Variants in WDR27 observed in about 807,000 individuals in gnomAD.
The protein encoded by WDR27 is WD repeat domain 27, also known as WD repeat-containing protein 27.
WDR27 carries 100 observed loss-of-function variants against 114.4 expected under a neutral mutation model. The ratio of observed to expected loss-of-function variants is 0.87; its 90% CI spans 0.74 to 1.03. The LOEUF (loss-of-function observed/expected upper bound fraction) is 1.03. Among genes scored for constraint, WDR27 ranks in the 50% least tolerant of loss-of-function variants. The probability of loss-of-function intolerance (pLI) is 0.00; values close to 1 mark genes in which losing one functional copy is unlikely to be tolerated. For missense variants in WDR27, 1,129 were observed against 1,092.9 expected (o/e 1.03, Z -0.47); for synonymous variants, 449 against 423.1 (o/e 1.06, Z -0.75).
At chr6:169,633,357 G>A (rs1033318747) in intron 20 of WDR27, among the ~76,000 whole-genome samples, 4 of 152,138 alleles carry the variant, frequency 2.6e-5, no homozygotes, top group African/African-American at 7.2e-5. Context: ...CTTTAGATAC[G>A]TGGTGTTTGA....
chr6:169,551,826 G>T (rs1329052279), intron 25 of WDR27, among the ~76,000 whole-genome samples: 1 of 151,964 alleles, frequency 6.6e-6, no homozygotes, highest in Admixed American at 6.6e-5. Flanking sequence ...GGCTTTGAAG[G>T]CCAGGTCGCT....
intron 24 of WDR27, among the ~76,000 whole-genome samples, chr6:169,573,195 A>G (rs1801734412): frequency 6.6e-6 from 1 of 152,106 alleles, no homozygotes. Flanking sequence ...AAGTTTCTAC[A>G]TTGTGTTCTA....
At chr6:169,691,277 A>G (rs988305926) in intron 1 of WDR27, among the ~76,000 whole-genome samples, 15 of 152,338 alleles carry the variant, frequency 9.8e-5, no homozygotes, top group Middle Eastern at 3.4e-3. Context: ...AAAATTCTCA[A>G]TATTTGGAGA....
intron 23 of WDR27, among the ~76,000 whole-genome samples, chr6:169,592,454 C>G (rs1484323231): frequency 6.6e-6 from 1 of 152,168 alleles, no homozygotes; most frequent in African/African-American, 2.4e-5. Context: ...AGGCTATTCT[C>G]AATGAGTTCT....
chr6:169,428,992 TC>T, the WDR27 span, among the ~76,000 whole-genome samples: 1 of 152,060 alleles, frequency 6.6e-6, no homozygotes, highest in African/African-American at 2.4e-5. Context: ...GACACAGGCG[TC>T]CCAGACAAAA....
chr6:169,486,136 C>G (rs958791318), intron 25 of WDR27, among the ~76,000 whole-genome samples: 14 of 151,760 alleles, frequency 9.2e-5, no homozygotes, highest in African/African-American at 3.2e-4. Context: ...TGCACATGTA[C>G]CCCTGAACTT....
intron 25 of WDR27, among the ~76,000 whole-genome samples, chr6:169,504,901 T>C (rs1791814804): frequency 6.6e-6 from 1 of 152,164 alleles, no homozygotes; most frequent in Admixed American, 6.5e-5. Context: ...ACCTGGCCTG[T>C]TACCTACTTT....
At chr6:169,473,177 A>G (rs975408690) in intron 25 of WDR27, among the ~76,000 whole-genome samples, 7 of 152,234 alleles carry the variant, frequency 4.6e-5, no homozygotes, top group Admixed American at 2.6e-4. Context: ...ACATGAATAC[A>G]CTTTGAATTT....
At chr6:169,678,970 AT>A (rs1428999960) in intron 2 of WDR27, among the ~76,000 whole-genome samples, 9 of 152,212 alleles carry the variant, frequency 5.9e-5, no homozygotes, top group African/African-American at 2.2e-4. Context: ...GAAGTCTGCT[AT>A]CTGAGAGCTT....
rs770325323 is a variant in WDR27 at position 169,660,785 on chromosome 6, G to A, written c.1026-19C>T. 1 of 1,603,724 alleles carries A rather than the reference G, an allele frequency of 6.2e-7. No homozygotes were observed. The highest frequency in any genetic ancestry group is 2.2e-5 in the East Asian group (1 of 44,830). On this transcript the variant is annotated intron_variant, in intron 9 of 25. Coordinates refer to ENST00000448612, the MANE Select transcript of WDR27 (RefSeq NM_182552.5). Reference sequence around the variant, plus strand: ...AGAAAGACTGATTTAAGGAAAAAAAGAAAAGAATACACAATAATCTTATTC... The same window carrying A: ...AGAAAGACTGATTTAAGGAAAAAAAAAAAAGAATACACAATAATCTTATTC...
chr6:169,663,763 C>T (rs552564207), intron 8 of WDR27: 3 of 186,898 alleles, frequency 1.6e-5, no homozygotes, highest in East Asian at 3.2e-4. Flanking sequence ...GTGTAGGTGG[C>T]GTCTAAGATT....
chr6:169,574,336 G>A (rs562237241), intron 24 of WDR27, among the ~76,000 whole-genome samples: 19 of 152,326 alleles, frequency 1.2e-4, no homozygotes, highest in African/African-American at 4.3e-4. Context: ...TAACAGTGAT[G>A]AAAAACATTA....
At chr6:169,549,254 T>TTACA (rs1797811782) in intron 25 of WDR27, among the ~76,000 whole-genome samples, 2 of 152,160 alleles carry the variant, frequency 1.3e-5, no homozygotes, top group African/African-American at 4.8e-5. Context: ...GACATACCGA[T>TTACA]GGCAAATAAG....
intron 25 of WDR27, among the ~76,000 whole-genome samples, chr6:169,481,810 G>C (rs1788174452): frequency 6.6e-6 from 1 of 152,190 alleles, no homozygotes; most frequent in South Asian, 2.1e-4. Context: ...CTTCACTCCT[G>C]AAGCCAGTGA....
At chr6:169,668,853 C>T (rs1329767869) in intron 4 of WDR27, 1 of 152,244 alleles carries the variant, frequency 6.6e-6, no homozygotes, top group Admixed American at 6.5e-5. Context: ...AACTTACAAA[C>T]AGACATTTAA....
At chr6:169,502,478 C>G (rs1295210434) in intron 25 of WDR27, among the ~76,000 whole-genome samples, 4 of 152,174 alleles carry the variant, frequency 2.6e-5, no homozygotes, top group Non-Finnish European at 5.9e-5. Context: ...TCTTCCGGGT[C>G]TGTAGGTCGT....
chr6:169,525,392 C>T (rs906289045), intron 25 of WDR27, among the ~76,000 whole-genome samples: 11 of 151,496 alleles, frequency 7.3e-5, no homozygotes, highest in East Asian at 1.9e-4. Flanking sequence ...AAAAATTAGC[C>T]GGGCGTGGTG....
At chr6:169,617,008 T>TA (rs1256713671) in intron 21 of WDR27, among the ~76,000 whole-genome samples, 1 of 152,076 alleles carries the variant, frequency 6.6e-6, no homozygotes, top group Non-Finnish European at 1.5e-5. Context: ...AACAGGGAGA[T>TA]ATGGGGTTTG....
Position 169,659,153 on chromosome 6 carries a change from TG to T in WDR27, c.1251del (p.Asn418ThrfsTer5), listed in dbSNP as rs781463487. ...TGAGCCCTGACTAGCGCGGCCGGGT[TG>T]ATCTCCAACACGGCAATCTTCCCGC... Reference protein sequence around the residue: ...LFGGKIAVLEINPAALVRAQQ... With the variant: ...LFGGKIAVLEXNPAALVRAQQ... On this transcript the variant is annotated frameshift_variant, in exon 12 of 26. Transcript: ENST00000448612. LOFTEE classifies it high-confidence loss of function. The surrounding 1 kb of genome is among the most constrained non-coding windows in gnomAD (Gnocchi z 4.3). 5 of 1,611,118 alleles carry T rather than the reference TG, an allele frequency of 3.1e-6. No homozygotes were observed. In the African/African-American group the frequency reaches 6.7e-5, roughly 22 times the overall value.
Sources: gnomAD v4.1 joint callset for allele counts (sites outside exome capture counted in the v4.1 genomes callset) on GRCh38, gnomAD v4.1.1 for gene constraint, Gnocchi (gnomAD v3.1) non-coding constraint, MANE v1.5 for transcripts, NCBI Gene and HGNC (gene_info 2026-07-23, HGNC 2026-07-21) for gene names.